The following TBCD variants were observed in gnomAD, a reference collection of about 807,000 sequenced individuals.
TBCD encodes the protein tubulin folding cofactor D.
In TBCD, 105 loss-of-function variants were observed where a neutral mutation model predicts 169.3. The ratio of observed to expected loss-of-function variants is 0.62; its 90% CI spans 0.53 to 0.73. The LOEUF is 0.73. TBCD is among the 30% of genes least tolerant of loss of function. TBCD has a pLI of 0.00. For synonymous variants in TBCD, 700 were observed against 643.9 expected (o/e 1.09, Z -1.32); for missense variants, 1,444 against 1,600.1 (o/e 0.90, Z 1.66).
Position 82,920,693 on chromosome 17 carries a change from T to C in TBCD, c.2101+75T>C. On this transcript the variant is annotated intron_variant, in intron 24 of 38. Coordinates refer to ENST00000355528, the MANE Select transcript of TBCD (RefSeq NM_005993.5). This position sits in a 1 kb window ranked among gnomAD's most constrained non-coding sequence, Gnocchi z 4.1. Reference sequence around the variant, plus strand: ...GATTAAAAGGTAAAAATGAACCTGTTAGGATGGGGGCGATAAACGATTATA... The same window carrying C: ...GATTAAAAGGTAAAAATGAACCTGTCAGGATGGGGGCGATAAACGATTATA... 7.8e-7 allele frequency: 1 copy of C among 1,279,448 alleles called. No individual in the cohort carries two copies. Among genetic ancestry groups the C allele is most frequent in the Non-Finnish European group, 1.1e-6 (1 of 918,344 alleles). The allele number at this position is 1,279,448 out of a possible 1,614,324, so 79.3% of individuals were successfully genotyped here.
intron 14 of TBCD, among the ~76,000 whole-genome samples, chr17:82,879,118 C>G (rs1349759991): frequency 1.4e-5 from 2 of 142,784 alleles, no homozygotes; most frequent in African/African-American, 5.2e-5. Flanking sequence ...TCTGGCACCA[C>G]AAGATGCACC....
Position 82,916,517 on chromosome 17 carries a change from T to G in TBCD, c.2039-4039T>G, listed in dbSNP as rs2061047036. Among the ~76,000 whole-genome samples the G allele has an allele frequency of 2.4e-5, 3 of 123,556 alleles. No homozygotes were observed. The South Asian group carries it at 1.2e-3, about 50-fold the overall frequency. The allele number at this position is 123,556 out of a possible 152,430, so 81.1% of individuals were successfully genotyped here. On this transcript the variant is annotated intron_variant, in intron 23 of 38. Transcript: ENST00000355528. Reference sequence around the variant, plus strand: ...ACCTCGGCCTCCCAAAGGTGCTGTTTTTTTTTTTTTCCCCACTTTGATTCT... The same window carrying G: ...ACCTCGGCCTCCCAAAGGTGCTGTTGTTTTTTTTTTCCCCACTTTGATTCT...
chr17:82,934,646 A>G (rs1839568948), intron 34 of TBCD, among the ~76,000 whole-genome samples: 1 of 151,874 alleles, frequency 6.6e-6, no homozygotes, highest in Non-Finnish European at 1.5e-5. Flanking sequence ...GTAATTTTGT[A>G]TTTTTAGTAG....
chr17:82,899,549 G>A (rs2059751496), intron 17 of TBCD, among the ~76,000 whole-genome samples: 1 of 152,238 alleles, frequency 6.6e-6, no homozygotes, highest in Admixed American at 6.5e-5. Flanking sequence ...CTGTGAGTTT[G>A]CCTGACATTT....
chr17:82,906,830 C>T (rs939637917), intron 20 of TBCD, among the ~76,000 whole-genome samples: 2 of 152,230 alleles, frequency 1.3e-5, no homozygotes, highest in African/African-American at 4.8e-5. Context: ...CAGGGACGCT[C>T]GCTCGTGTGG....
chr17:82,782,507 T>A lies in TBCD; in HGVS notation c.771+786T>A, dbSNP rs747850288. Among the ~76,000 whole-genome samples, 6 of 152,180 alleles carry A rather than the reference T, an allele frequency of 3.9e-5. No individual in the cohort carries two copies. Among genetic ancestry groups the A allele is most frequent in the African/African-American group, 9.7e-5 (4 of 41,440 alleles). ...GAGGAGCGGGGCACTTTGTTCTTGTTTAAAAAATATATTTTATAGAGACAG... is the reference window on the plus strand; with the variant it reads ...GAGGAGCGGGGCACTTTGTTCTTGTATAAAAAATATATTTTATAGAGACAG... On this transcript the variant is annotated intron_variant, in intron 7 of 38. Transcript: ENST00000355528. The surrounding 1 kb of genome is among the most constrained non-coding windows in gnomAD (Gnocchi z 5.1).
intron 13 of TBCD, among the ~76,000 whole-genome samples, chr17:82,842,780 CTTT>C (rs375870095): frequency 2.6e-4 from 34 of 129,888 alleles, no homozygotes; most frequent in African/African-American, 8.9e-4. Flanking sequence ...TTCTTTCTTT[CTTT>C]TTTTTTTTTT....
In TBCD at chr17:82,937,569, G is replaced by A. The variant is rs929713512; in HGVS notation, c.3281+209G>A. 1.2e-4 allele frequency: 71 copies of A among 613,130 alleles called. No individual in the cohort carries two copies. In the Middle Eastern group the frequency reaches 1.7e-3, roughly 15 times the overall value. The allele number at this position is 613,130 out of a possible 1,614,324, so 38.0% of individuals were successfully genotyped here. A position where few individuals can be genotyped will look rare whatever the true frequency, so the allele number is the denominator to read the frequency against. On this transcript the variant is annotated intron_variant, in intron 35 of 38. Transcript: ENST00000355528. The stretch of plus-strand genomic sequence containing the variant: ...GTGGAGGGAGTTCCCGCGGGAACAG[G>A]CGAGCTCTGCCTCTGCTGCCCTCGC...
intron 6 of TBCD, among the ~76,000 whole-genome samples, chr17:82,774,304 C>T (rs990077265): frequency 7.9e-5 from 12 of 152,226 alleles, no homozygotes; most frequent in South Asian, 6.2e-4. Flanking sequence ...CATCTTGCAC[C>T]GCCCTTAATC....
At chr17:82,896,047 C>T (rs980700321) in intron 17 of TBCD, 1 of 152,214 alleles carries the variant, frequency 6.6e-6, no homozygotes, top group Non-Finnish European at 1.5e-5. Context: ...ACAATCAAGA[C>T]GAGAAAAGGC....
At chr17:82,819,934 C>T (rs1567832989) in intron 13 of TBCD, among the ~76,000 whole-genome samples, 1 of 151,574 alleles carries the variant, frequency 6.6e-6, no homozygotes, top group Non-Finnish European at 1.5e-5. Context: ...TTGTTGGATA[C>T]AAGAAGCACA....
rs2059003144 is a variant in TBCD, at chr17:82,889,788, C to T, written c.1563+91C>T. The T allele has an allele frequency of 6.8e-7, 1 of 1,476,046 alleles. No individual in the cohort carries two copies. Among genetic ancestry groups the T allele is most frequent in the Non-Finnish European group, 9.3e-7 (1 of 1,070,088 alleles). The allele number at this position is 1,476,046 out of a possible 1,614,324, so 91.4% of individuals were successfully genotyped here. ...GAGCTATAACCCTGGTGTCTTCTCG[C>T]ACTGTGAGATGTGGTGTGGCTACAT... On this transcript the variant is annotated intron_variant, in intron 16 of 38. Transcript: ENST00000355528. This position sits in a 1 kb window ranked among gnomAD's most constrained non-coding sequence, Gnocchi z 5.3.
At chr17:82,937,485 G>A in intron 35 of TBCD, 125 bp downstream of exon 35, 1 of 825,772 alleles carries the variant, frequency 1.2e-6, no homozygotes, top group Non-Finnish European at 1.9e-6. Flanking sequence ...GCTAACCTAA[G>A]ATCGTGCATT....
At chr17:82,764,445 G>T (rs560480276) in intron 3 of TBCD, among the ~76,000 whole-genome samples, 2 of 152,312 alleles carry the variant, frequency 1.3e-5, no homozygotes, top group Non-Finnish European at 2.9e-5. Context: ...AGGAGTTCGA[G>T]ATGAGCCTGG....
intron 9 of TBCD, among the ~76,000 whole-genome samples, chr17:82,802,244 G>A (rs570136384): frequency 6.6e-6 from 1 of 151,760 alleles, no homozygotes; most frequent in South Asian, 2.1e-4. Flanking sequence ...TTAGGGTGCT[G>A]TGTGTTAGCG....
At chr17:82,894,724 G>A (rs2059365940) in intron 17 of TBCD, among the ~76,000 whole-genome samples, 2 of 152,204 alleles carry the variant, frequency 1.3e-5, no homozygotes, top group African/African-American at 4.8e-5. Flanking sequence ...AGTGGCTCAT[G>A]CCTGTAATCC....
intron 1 of TBCD, among the ~76,000 whole-genome samples, chr17:82,752,627 C>T (rs1044411453): frequency 2.0e-5 from 3 of 152,132 alleles, no homozygotes; most frequent in Non-Finnish European, 4.4e-5. Context: ...AGCGCCTGCT[C>T]TCGCACGGGG....
In TBCD at chr17:82,832,750, A is replaced by C. The variant is rs1456080451; in HGVS notation, c.1318+17816A>C. The C allele has an allele frequency of 2.1e-6, 1 of 469,306 alleles. No individual in the cohort carries two copies. The highest frequency in any genetic ancestry group is 2.0e-5 in the African/African-American group (1 of 50,998). The allele number at this position is 469,306 out of a possible 1,614,324, so 29.1% of individuals were successfully genotyped here. ...CTGAAGCAGAACCCCTGAAGGGCTG[A>C]AACTGCCTGCTCCTGAGGGGAGCAG... On this transcript the variant is annotated intron_variant, in intron 13 of 38. Transcript: ENST00000355528. The surrounding 1 kb of genome is among the most constrained non-coding windows in gnomAD (Gnocchi z 4.9).
At chr17:82,824,549 C>G (rs1053698070) in intron 13 of TBCD, among the ~76,000 whole-genome samples, 3 of 152,094 alleles carry the variant, frequency 2.0e-5, no homozygotes, top group African/African-American at 7.2e-5. Context: ...TGGCTATTCA[C>G]AGGCCCAATC....
Sources: allele counts gnomAD v4.1 joint callset (sites outside exome capture counted in the v4.1 genomes callset), GRCh38; gene constraint gnomAD v4.1.1; non-coding constraint Gnocchi (gnomAD v3.1); transcripts MANE v1.5; gene names NCBI Gene and HGNC (gene_info 2026-07-23, HGNC 2026-07-21).